Variants in MARK4 observed in about 807,000 individuals in gnomAD.
MARK4 encodes the protein MAP/microtubule affinity-regulating kinase 4.
Under a neutral mutation model 81.5 loss-of-function variants are expected in MARK4, and 19 were observed. The observed-to-expected ratio is 0.23, with a 90% CI of 0.16 to 0.34. The LOEUF is 0.34. Among genes scored for constraint, MARK4 ranks in the 10% least tolerant of loss-of-function variants. The pLI is 1.00. For missense variants in MARK4, 772 were observed against 1,058.8 expected (o/e 0.73, Z 3.76); for synonymous variants, 436 against 439.0 (o/e 0.99, Z 0.08).
intron 6 of MARK4, among the ~76,000 whole-genome samples, 170 bp from the exon 7 acceptor site, chr19:45,266,055 C>T (rs1970449418): frequency 6.6e-6 from 1 of 151,910 alleles, no homozygotes. Context: ...GTGTGTCTGC[C>T]CAGGTTCCAC....
intron 1 of MARK4, among the ~76,000 whole-genome samples, chr19:45,256,369 C>G (rs1435303302): frequency 6.6e-6 from 1 of 152,148 alleles, no homozygotes; most frequent in Non-Finnish European, 1.5e-5. Context: ...ACCCAGGAGG[C>G]AGAGGTTGCA....
intron 2 of MARK4, among the ~76,000 whole-genome samples, chr19:45,260,132 A>G (rs980272232): frequency 2.0e-5 from 3 of 151,182 alleles, no homozygotes; most frequent in Non-Finnish European, 4.4e-5. Context: ...GCTCACTCCT[A>G]TAGTCCCAGC....
intron 15 of MARK4, 124 bp downstream of exon 15, chr19:45,298,078 T>TG: frequency 7.0e-7 from 1 of 1,428,590 alleles, no homozygotes; most frequent in Non-Finnish European, 9.7e-7. Flanking sequence ...CTCCTCCTCG[T>TG]TTCCTCCTCC....
intron 13 of MARK4, among the ~76,000 whole-genome samples, chr19:45,289,155 C>T (rs555098952): frequency 4.0e-5 from 6 of 151,864 alleles, no homozygotes; most frequent in Admixed American, 6.6e-5. Context: ...TTTGGGAGTC[C>T]GAGGAGGGTG....
chr19:45,296,213 CA>C (rs924123514), intron 14 of MARK4, among the ~76,000 whole-genome samples: 3 of 149,990 alleles, frequency 2.0e-5, no homozygotes, highest in Non-Finnish European at 4.4e-5. Context: ...CAGACTCAGA[CA>C]AAAAAAATCA....
chr19:45,252,884 C>T (rs1353554113), intron 1 of MARK4, among the ~76,000 whole-genome samples: 1 of 152,022 alleles, frequency 6.6e-6, no homozygotes, highest in Non-Finnish European at 1.5e-5. Flanking sequence ...AGGACTTCTC[C>T]TAGAAGCCCC....
chr19:45,298,101 C>A (rs1408879143), intron 15 of MARK4, 147 bp downstream of exon 15: 1 of 1,532,436 alleles, frequency 6.5e-7, no homozygotes, highest in South Asian at 1.1e-5. Context: ...CTCCTCCTTT[C>A]CTCCTCCCCT....
At chr19:45,290,305 A>G (rs896832984) in intron 13 of MARK4, among the ~76,000 whole-genome samples, 2 of 152,352 alleles carry the variant, frequency 1.3e-5, no homozygotes, top group African/African-American at 4.8e-5. Flanking sequence ...CCTGACCATC[A>G]GGAGGCACCC....
At chr19:45,270,848 G>C (rs139484536) in intron 7 of MARK4, among the ~76,000 whole-genome samples, 1 of 152,132 alleles carries the variant, frequency 6.6e-6, no homozygotes. Context: ...TCGGCTCACC[G>C]CAACCTCCAC....
chr19:45,290,115 A>G (rs1322605366), intron 13 of MARK4, among the ~76,000 whole-genome samples: 1 of 152,210 alleles, frequency 6.6e-6, no homozygotes, highest in East Asian at 1.9e-4. Flanking sequence ...AGAAACAAAC[A>G]AAAAAGTTTT....
chr19:45,255,850 C>T (rs939786155), intron 1 of MARK4, among the ~76,000 whole-genome samples: 1 of 152,066 alleles, frequency 6.6e-6, no homozygotes, highest in African/African-American at 2.4e-5. Flanking sequence ...GGCAGAACTG[C>T]CTTGGCGGGA....
chr19:45,278,883 G>A (rs1970636395), intron 10 of MARK4, among the ~76,000 whole-genome samples: 1 of 152,140 alleles, frequency 6.6e-6, no homozygotes, highest in Admixed American at 6.5e-5. Context: ...AGGATCACAG[G>A]TGTGAGCCAC....
Position 45,297,735 on chromosome 19 carries a change from C to T in MARK4, c.1658C>T (p.Ser553Leu). ...TCCAGTCACAGCCTGGCACCCCCAT[C>T]AGGGGAGCGGAGCCGCCTGGCACGT... The part of the protein sequence containing the change: ...SPSSHSLAPP[S>L]GERSRLARGS... The change falls in exon 15 of 17, where the codon TCA becomes TTA. Residue 553 changes from serine (S) to leucine (L), a missense_variant. By Grantham distance (145) the Ser-to-Leu change is moderately radical. Around this residue, in one of 3 missense-constraint regions of MARK4, gnomAD observed 548 missense variants for 624.3 expected, o/e 0.88. Transcript: ENST00000262891. The T allele has an allele frequency of 6.4e-7, 1 of 1,570,714 alleles. No homozygotes were observed. The highest frequency in any genetic ancestry group is 8.6e-7 in the Non-Finnish European group (1 of 1,161,790).
At chr19:45,298,079 T>TTCCTCC (rs71173140) in intron 15 of MARK4, 125 bp downstream of exon 15, 118 of 1,496,862 alleles carry the variant, frequency 7.9e-5, no homozygotes, top group Non-Finnish European at 1.0e-4. Flanking sequence ...TCCTCCTCGT[T>TTCCTCC]TCCTCCTCCT....
chr19:45,257,097 G>A (rs376279692), intron 1 of MARK4, among the ~76,000 whole-genome samples: 3 of 151,872 alleles, frequency 2.0e-5, no homozygotes, highest in Admixed American at 1.3e-4. Context: ...TGGGACTATA[G>A]GCATATGCCA....
chr19:45,291,359 T>C (rs1970817786), intron 13 of MARK4, among the ~76,000 whole-genome samples: 1 of 152,170 alleles, frequency 6.6e-6, no homozygotes, highest in East Asian at 1.9e-4. Flanking sequence ...CAAGAGTGCA[T>C]TGTTAGGCCA....
intron 12 of MARK4, among the ~76,000 whole-genome samples, chr19:45,282,772 C>T (rs1273761707): frequency 5.3e-5 from 8 of 151,798 alleles, no homozygotes; most frequent in African/African-American, 1.2e-4. Flanking sequence ...TGCAGTGAGC[C>T]GAGATCACGC....
At chr19:45,295,637 C>T (rs906491252) in intron 14 of MARK4, among the ~76,000 whole-genome samples, 16 of 152,048 alleles carry the variant, frequency 1.1e-4, no homozygotes, top group African/African-American at 3.4e-4. Flanking sequence ...TAGCCAGGAA[C>T]GATGTCATGT....
At chr19:45,298,011 C>A in intron 15 of MARK4, 57 bp downstream of exon 15, 2 of 1,549,760 alleles carry the variant, frequency 1.3e-6, no homozygotes, top group Non-Finnish European at 1.7e-6. Context: ...TGGGACCTAA[C>A]CTGTCTTCCA....
Sources: gnomAD v4.1 joint callset for allele counts (sites outside exome capture counted in the v4.1 genomes callset) on GRCh38, gnomAD v4.1.1 for gene constraint, gnomAD v4.1.1 regional missense constraint, MANE v1.5 for transcripts, NCBI Gene and HGNC (gene_info 2026-07-23, HGNC 2026-07-21) for gene names.